The following RNLS variants were observed in gnomAD, a reference collection of about 807,000 sequenced individuals.
RNLS encodes renalase, FAD dependent amine oxidase, also known as renalase.
Under a neutral mutation model 39.8 loss-of-function variants are expected in RNLS, and 39 were observed. The ratio of observed to expected loss-of-function variants is 0.98; its 90% CI spans 0.76 to 1.28. The LOEUF (loss-of-function observed/expected upper bound fraction) is 1.28, where lower values mean the gene tolerates loss of function less well. Among genes scored for constraint, RNLS ranks in the 50% most tolerant of loss-of-function variants. The pLI is 0.00. For missense variants in RNLS, 410 were observed against 413.3 expected (o/e 0.99, Z 0.07); for synonymous variants, 147 against 150.7 (o/e 0.98, Z 0.18).
At chr10:88,236,080 C>A in the RNLS span, among the ~76,000 whole-genome samples, 1 of 152,182 alleles carries the variant, frequency 6.6e-6, no homozygotes, top group Non-Finnish European at 1.5e-5. Flanking sequence ...TGAACCCCTG[C>A]ACTATGTTAA....
intron 4 of RNLS, among the ~76,000 whole-genome samples, chr10:88,505,957 C>A (rs1845764945): frequency 6.6e-6 from 1 of 152,124 alleles, no homozygotes; most frequent in African/African-American, 2.4e-5. Flanking sequence ...ACTTGTTAAA[C>A]TTGTGAACTT....
intron 4 of RNLS, among the ~76,000 whole-genome samples, chr10:88,524,485 T>TA (rs1470550725): frequency 6.6e-6 from 1 of 152,126 alleles, no homozygotes; most frequent in East Asian, 1.9e-4. Flanking sequence ...GATTTTGTTT[T>TA]AGAGACTAGA....
At chr10:88,243,543 C>A in the RNLS span, among the ~76,000 whole-genome samples, 1 of 152,198 alleles carries the variant, frequency 6.6e-6, no homozygotes, top group African/African-American at 2.4e-5. Context: ...TCTGTCTGCT[C>A]AGCACAAACT....
chr10:88,362,722 A>G lies in RNLS; in HGVS notation c.530T>C (p.Ile177Thr). The G allele has an allele frequency of 1.2e-6, 2 of 1,609,900 alleles. No individual in the cohort carries two copies. The highest frequency in any genetic ancestry group is 1.1e-5 in the South Asian group (1 of 90,080). The stretch of plus-strand genomic sequence containing the variant: ...CAGTTGCTGCCTTTGGCATTCACTA[A>G]TTACTGTGGAAGAAAAAATAAAAGG... The part of the protein sequence containing the change: ...LQLQGDITTL[I>T]SECQRQQLEA... The change falls in exon 5 of 7, where the codon ATT becomes ACT. Residue 177 changes from isoleucine (I) to threonine (T), a missense_variant. Ile to Thr is a moderately conservative substitution (Grantham distance 89). Transcript: ENST00000331772.
At chr10:88,351,818 G>T (rs900040085) in intron 5 of RNLS, among the ~76,000 whole-genome samples, 3 of 152,122 alleles carry the variant, frequency 2.0e-5, no homozygotes, top group Non-Finnish European at 4.4e-5. Context: ...TCATGATATT[G>T]ATTCTTCCTA....
intron 4 of RNLS, among the ~76,000 whole-genome samples, chr10:88,385,241 T>C (rs1180710662): frequency 6.6e-6 from 1 of 152,202 alleles, no homozygotes; most frequent in Non-Finnish European, 1.5e-5. Flanking sequence ...ATTTGTTAAT[T>C]GGGTGTTGGT....
At chr10:88,329,675 C>T (rs189353609) in intron 5 of RNLS, among the ~76,000 whole-genome samples, 48 of 151,630 alleles carry the variant, frequency 3.2e-4, no homozygotes, top group African/African-American at 1.1e-3. Flanking sequence ...ATATTTTGAT[C>T]TATTTTCAGT....
the RNLS span, among the ~76,000 whole-genome samples, chr10:88,201,200 T>C: frequency 2.4e-4 from 36 of 152,322 alleles, no homozygotes; most frequent in East Asian, 6.9e-3. Context: ...TAGATTTAAT[T>C]ATGTTCGAAG....
intron 5 of RNLS, among the ~76,000 whole-genome samples, chr10:88,342,095 T>C (rs904959510): frequency 2.0e-5 from 3 of 152,182 alleles, no homozygotes; most frequent in African/African-American, 7.2e-5. Context: ...AAGTAAAGTG[T>C]ATCAACCTTA....
At chr10:88,533,789 T>G (rs1847579277) in intron 4 of RNLS, among the ~76,000 whole-genome samples, 1 of 152,088 alleles carries the variant, frequency 6.6e-6, no homozygotes, top group Non-Finnish European at 1.5e-5. Context: ...CAGTGATGTC[T>G]AAAGTAACCA....
chr10:88,442,513 T>C (rs948034605), intron 4 of RNLS, among the ~76,000 whole-genome samples: 2 of 152,212 alleles, frequency 1.3e-5, no homozygotes, highest in Admixed American at 1.3e-4. Flanking sequence ...TCTCTCCTTA[T>C]GCCAGAGCCC....
intron 1 of RNLS, 67 bp from the exon 2 acceptor site, chr10:88,582,374 C>T (rs775247419): frequency 9.9e-6 from 12 of 1,212,246 alleles, no homozygotes; most frequent in African/African-American, 1.5e-5. Context: ...ATTCAATGCA[C>T]CTTAGGTTAC....
the RNLS span, among the ~76,000 whole-genome samples, chr10:88,217,778 G>A: frequency 1.1e-4 from 15 of 140,660 alleles, no homozygotes; most frequent in Admixed American, 2.2e-4. Context: ...AGTGGCTCAC[G>A]CCTGTAATCC....
At chr10:88,391,149 G>T (rs1394272044) in intron 4 of RNLS, among the ~76,000 whole-genome samples, 1 of 152,072 alleles carries the variant, frequency 6.6e-6, no homozygotes, top group East Asian at 1.9e-4. Context: ...TATACAAACA[G>T]GTGTGTCTGA....
At chr10:88,356,008 C>T (rs1057358953) in intron 5 of RNLS, among the ~76,000 whole-genome samples, 1 of 152,218 alleles carries the variant, frequency 6.6e-6, no homozygotes, top group Non-Finnish European at 1.5e-5. Flanking sequence ...GGGCATGGGA[C>T]CCTCTGATCC....
At chr10:88,524,140 T>C (rs1846933362) in intron 4 of RNLS, among the ~76,000 whole-genome samples, 1 of 152,064 alleles carries the variant, frequency 6.6e-6, no homozygotes, top group Non-Finnish European at 1.5e-5. Flanking sequence ...AAAAGCTCTT[T>C]AGGTTTCCTG....
intron 5 of RNLS, among the ~76,000 whole-genome samples, chr10:88,340,588 T>TGTCCAATAA (rs1847854899): frequency 6.6e-6 from 1 of 152,220 alleles, no homozygotes; most frequent in South Asian, 2.1e-4. Context: ...TGTTTTATGA[T>TGTCCAATAA]ACTACCTCTT....
At chr10:88,252,854 C>T in the RNLS span, among the ~76,000 whole-genome samples, 1 of 152,182 alleles carries the variant, frequency 6.6e-6, no homozygotes, top group Non-Finnish European at 1.5e-5. Flanking sequence ...GTAGAGATAA[C>T]TTTCTAAGTC....
chr10:88,551,632 A>T (rs1006684514), intron 4 of RNLS, among the ~76,000 whole-genome samples: 1 of 152,160 alleles, frequency 6.6e-6, no homozygotes, highest in East Asian at 1.9e-4. Context: ...TTTTTCAAAA[A>T]ATCTTTAAAA....
Sources: allele counts gnomAD v4.1 joint callset (sites outside exome capture counted in the v4.1 genomes callset), GRCh38; gene constraint gnomAD v4.1.1; transcripts MANE v1.5; gene names NCBI Gene and HGNC (gene_info 2026-07-23, HGNC 2026-07-21).